SMARCAD1: variants seen among roughly 807,000 people sequenced by gnomAD.
The protein encoded by SMARCAD1 is SNF2 related chromatin remodeling ATPase with DExD box 1.
In SMARCAD1, 25 loss-of-function variants were observed where a neutral mutation model predicts 127.1. That is an observed-to-expected ratio of 0.20 (90% CI 0.14 to 0.27). The LOEUF (loss-of-function observed/expected upper bound fraction) is 0.27. Among genes scored for constraint, SMARCAD1 ranks in the 10% least tolerant of loss-of-function variants. SMARCAD1 has a pLI of 1.00. For missense variants in SMARCAD1, 807 were observed against 1,206.0 expected, an observed-to-expected ratio of 0.67 and a Z score of 4.90; for synonymous variants, 400 against 396.9, an observed-to-expected ratio of 1.01 and a Z score of -0.09.
intron 3 of SMARCAD1, among the ~76,000 whole-genome samples, chr4:94,232,999 A>G (rs1746083726): frequency 6.6e-6 from 1 of 152,128 alleles, no homozygotes; most frequent in Non-Finnish European, 1.5e-5. Context: ...AAAAACACAC[A>G]TATTCTGTTC....
chr4:94,244,650 AG>A (rs1748128278), intron 6 of SMARCAD1, among the ~76,000 whole-genome samples: 1 of 152,038 alleles, frequency 6.6e-6, no homozygotes, highest in African/African-American at 2.4e-5. Context: ...TCAGCCTTTG[AG>A]GTTCATGTCA....
At chr4:94,233,268 T>C (rs531098387) in intron 3 of SMARCAD1, among the ~76,000 whole-genome samples, 1 of 152,232 alleles carries the variant, frequency 6.6e-6, no homozygotes, top group Non-Finnish European at 1.5e-5. Context: ...TTCTGATCTC[T>C]AGAGTGCCTA....
chr4:94,241,838 C>T (rs533771413), intron 6 of SMARCAD1, among the ~76,000 whole-genome samples: 1 of 152,198 alleles, frequency 6.6e-6, no homozygotes, highest in East Asian at 1.9e-4. Context: ...GACTCAAGCC[C>T]AGTTGCCATG....
chr4:94,255,288 T>G (rs1014276681), intron 9 of SMARCAD1, among the ~76,000 whole-genome samples: 22 of 152,034 alleles, frequency 1.4e-4, no homozygotes, highest in Non-Finnish European at 2.5e-4. Context: ...ATTTACAAAC[T>G]GTAAAGTTCA....
intron 3 of SMARCAD1, among the ~76,000 whole-genome samples, chr4:94,227,423 ATTG>A (rs1745197665): frequency 6.6e-6 from 1 of 152,172 alleles, no homozygotes; most frequent in Non-Finnish European, 1.5e-5. Context: ...AAGCATAAAT[ATTG>A]TTGTAATAAC....
At chr4:94,223,277 G>A (rs1392655178) in intron 2 of SMARCAD1, among the ~76,000 whole-genome samples, 7 of 151,942 alleles carry the variant, frequency 4.6e-5, no homozygotes, top group African/African-American at 7.2e-5. Context: ...GGTGGATCAC[G>A]AGGTCAGGAG....
intron 8 of SMARCAD1, 84 bp from the exon 9 acceptor site, chr4:94,252,532 T>C (rs1749432675): frequency 9.6e-6 from 9 of 941,872 alleles, no homozygotes; most frequent in Non-Finnish European, 1.4e-5. Flanking sequence ...TAGGAATAGG[T>C]AAATGTTTTA....
At chr4:94,267,575 T>G (rs1751924052) in intron 10 of SMARCAD1, among the ~76,000 whole-genome samples, 1 of 152,180 alleles carries the variant, frequency 6.6e-6, no homozygotes, top group South Asian at 2.1e-4. Flanking sequence ...TAAACCCAAT[T>G]GAATTTTCAG....
chr4:94,290,239 A>T lies in SMARCAD1; in HGVS notation c.*705A>T. 1 of 454,496 alleles carries T rather than the reference A, an allele frequency of 2.2e-6. No homozygotes were observed. The highest frequency in any genetic ancestry group is 4.4e-6 in the Non-Finnish European group (1 of 226,756). The allele number at this position is 454,496 out of a possible 1,614,324, so 28.2% of individuals were successfully genotyped here. ...ATTAATTCCTTCTGTTCATTTTCCAACTGCACTAATTGTGCATATTACTCT... is the reference window on the plus strand; with the variant it reads ...ATTAATTCCTTCTGTTCATTTTCCATCTGCACTAATTGTGCATATTACTCT... On this transcript the variant is annotated 3_prime_UTR_variant, in exon 24 of 24. Transcript: ENST00000354268.
At chr4:94,258,407 C>T (rs749199135) in intron 9 of SMARCAD1, among the ~76,000 whole-genome samples, 4 of 152,160 alleles carry the variant, frequency 2.6e-5, no homozygotes, top group Non-Finnish European at 5.9e-5. Context: ...CGCTCACCTC[C>T]ACCTCCCAGA....
At chr4:94,251,111 T>C (rs1339814970) in intron 8 of SMARCAD1, among the ~76,000 whole-genome samples, 2 of 152,196 alleles carry the variant, frequency 1.3e-5, no homozygotes, top group Non-Finnish European at 2.9e-5. Context: ...TTGCCATGTT[T>C]TATTGAGTGT....
chr4:94,208,583 A>C lies in SMARCAD1; in HGVS notation c.189A>C (p.Thr63=), dbSNP rs557012049. The C allele has an allele frequency of 5.6e-6, 9 of 1,613,780 alleles. No homozygotes were observed. Among genetic ancestry groups the C allele is most frequent in the East Asian group, 4.5e-5 (2 of 44,884 alleles). Residue 63 remains threonine (T), a splice_region_variant and synonymous_variant, in exon 2 of 24, where the codon ACA becomes ACC. Transcript: ENST00000354268. The part of the protein sequence containing the change: ...NTPDSDITEK[T]EDSSVPETPD... ...CTGATTCAGATATAACTGAAAAAAC[A>C]GGTGAGTTACAATGTTAAAATTGAT...
At chr4:94,242,615 T>C (rs1019442245) in intron 6 of SMARCAD1, among the ~76,000 whole-genome samples, 2 of 151,938 alleles carry the variant, frequency 1.3e-5, no homozygotes, top group African/African-American at 4.8e-5. Context: ...AAAGTCAAGC[T>C]GGTTCAGGCT....
At chr4:94,274,175 T>C (rs2125984674) in intron 12 of SMARCAD1, among the ~76,000 whole-genome samples, 1 of 152,304 alleles carries the variant, frequency 6.6e-6, no homozygotes, top group South Asian at 2.1e-4. Context: ...TGGAGGTTAA[T>C]AATCAACTGT....
chr4:94,268,246 C>A (rs1752025499), intron 10 of SMARCAD1, among the ~76,000 whole-genome samples: 2 of 152,062 alleles, frequency 1.3e-5, no homozygotes, highest in Admixed American at 1.3e-4. Context: ...TTTTAAAAAT[C>A]TGTGTAGTTT....
Position 94,212,901 on chromosome 4 carries a change from C to T in SMARCAD1, c.190+4317C>T, listed in dbSNP as rs908042797. ...CCCTAATGCCCCTCTAAATCCCAGC[C>T]AGCCTTTGGATTTGAGGGCATACAC... On this transcript the variant is annotated intron_variant, in intron 2 of 23. Transcript: ENST00000354268. The T allele has an allele frequency of 1.2e-5, 5 of 416,664 alleles. No individual in the cohort carries two copies. In the Admixed American group the frequency reaches 1.5e-4, roughly 12 times the overall value. 25.8% of individuals were successfully genotyped at this position (416,664 alleles called of 1,614,324 possible). A position where few individuals can be genotyped will look rare whatever the true frequency, so the allele number is the denominator to read the frequency against.
At chr4:94,270,876 G>C in intron 11 of SMARCAD1, 58 bp downstream of exon 11, 1 of 1,518,474 alleles carries the variant, frequency 6.6e-7, no homozygotes, top group Non-Finnish European at 9.1e-7. Context: ...AGGTATTCTT[G>C]CTGTCATTTA....
At chr4:94,216,778 T>A (rs1743268789) in intron 2 of SMARCAD1, among the ~76,000 whole-genome samples, 1 of 152,228 alleles carries the variant, frequency 6.6e-6, no homozygotes, top group Non-Finnish European at 1.5e-5. Context: ...TTTTTAAGAC[T>A]GAATAATATT....
rs954938559 is a variant in SMARCAD1 at position 94,290,156 on chromosome 4, G to A, written c.*622G>A. ...CTGCTGAAACAAATTTATTTGGCTA[G>A]GCACTAAGTTGTTTTCCAGTGAATA... is the stretch of plus-strand genomic sequence containing the variant. On this transcript the variant is annotated 3_prime_UTR_variant, in exon 24 of 24. Transcript: ENST00000354268. The A allele has an allele frequency of 2.2e-5, 10 of 454,358 alleles. No homozygotes were observed. Among genetic ancestry groups the A allele is most frequent in the Non-Finnish European group, 4.4e-5 (10 of 226,764 alleles). 28.1% of individuals were successfully genotyped at this position (454,358 alleles called of 1,614,324 possible).
Sources: allele counts gnomAD v4.1 joint callset (sites outside exome capture counted in the v4.1 genomes callset), GRCh38; gene constraint gnomAD v4.1.1; transcripts MANE v1.5; gene names NCBI Gene and HGNC (gene_info 2026-07-23, HGNC 2026-07-21).